ISY1: variants seen among roughly 807,000 people sequenced by gnomAD.
ISY1 encodes the protein pre-mRNA-splicing factor ISY1 homolog.
ISY1 carries 12 observed loss-of-function variants against 54.4 expected under a neutral mutation model. The ratio of observed to expected loss-of-function variants is 0.22; its 90% CI spans 0.14 to 0.36. The LOEUF is 0.36. Ranked by LOEUF, ISY1 falls within the 10% of genes least tolerant of loss-of-function variation. ISY1 has a pLI of 1.00. For missense variants in ISY1, 282 were observed against 342.2 expected (o/e 0.82, Z 1.39); for synonymous variants, 96 against 117.9 (o/e 0.81, Z 1.20).
At chr3:129,132,318 A>G (rs1311621167) in intron 9 of ISY1, among the ~76,000 whole-genome samples, 2 of 152,100 alleles carry the variant, frequency 1.3e-5, no homozygotes, top group East Asian at 3.9e-4. Context: ...ACTCTTTGCA[A>G]CTTCCTGTAT....
intron 2 of ISY1, 48 bp downstream of exon 2, chr3:129,159,106 G>A (rs758025568): frequency 1.3e-6 from 2 of 1,597,710 alleles, no homozygotes; most frequent in Admixed American, 1.8e-5. Flanking sequence ...TTACATGGTG[G>A]TTTTTAAGTT....
In ISY1 at chr3:129,150,239, C is replaced by T. The variant is rs922715625; in HGVS notation, c.188-4366G>A. On this transcript the variant is annotated intron_variant, in intron 5 of 10. Transcript: ENST00000393295. ...AGAATGTCAATGTAAACAAAAAATC[C>T]TGTTAGAATTTTGATTGTGATATAT... is the stretch of plus-strand genomic sequence containing the variant. Among the ~76,000 whole-genome samples, 26 of 152,168 alleles carry T rather than the reference C, an allele frequency of 1.7e-4. 3 individuals carry two copies. Among genetic ancestry groups the T allele is most frequent in the Admixed American group, 5.9e-4 (9 of 15,266 alleles).
rs1422224860 is a variant in ISY1, at chr3:129,129,916, A to C, written c.*165T>G. On this transcript the variant is annotated 3_prime_UTR_variant, in exon 11 of 11. Transcript: ENST00000393295. ...AATATGTGTACAAAACCTACCAGGAAGACCAGGGACAGACCCCTACCCTCC... is the reference window on the plus strand; with the variant it reads ...AATATGTGTACAAAACCTACCAGGACGACCAGGGACAGACCCCTACCCTCC... 3 of 509,946 alleles carry C rather than the reference A, an allele frequency of 5.9e-6. No homozygotes were observed. Among genetic ancestry groups the C allele is most frequent in the African/African-American group, 1.9e-5 (1 of 51,504 alleles). The allele number at this position is 509,946 out of a possible 1,614,324, so 31.6% of individuals were successfully genotyped here. A position where few individuals can be genotyped will look rare whatever the true frequency, so the allele number is the denominator to read the frequency against.
At position 129,134,066 on chromosome 3, in the gene ISY1, C is replaced by T; in HGVS notation, c.663+8G>A. The stretch of plus-strand genomic sequence containing the variant: ...GCAGTGAGTGCCAGAGGGGGCCAAC[C>T]CCAATACCTCCTCCTCGGTGACTGC... On this transcript the variant is annotated splice_region_variant and intron_variant, in intron 9 of 10. Coordinates refer to ENST00000393295, the MANE Select transcript of ISY1 (RefSeq NM_020701.4). The T allele has an allele frequency of 6.2e-7, 1 of 1,613,960 alleles. No homozygotes were observed. The highest frequency in any genetic ancestry group is 8.5e-7 in the Non-Finnish European group (1 of 1,179,976).
intron 1 of ISY1, among the ~76,000 whole-genome samples, chr3:129,160,060 C>T (rs1006765651): frequency 2.0e-5 from 3 of 151,724 alleles, no homozygotes; most frequent in Admixed American, 2.0e-4. Context: ...GAGTCTCGCT[C>T]TGTCGCCCAG....
intron 9 of ISY1, among the ~76,000 whole-genome samples, chr3:129,131,251 C>T (rs999679600): frequency 1.3e-5 from 2 of 152,218 alleles, no homozygotes; most frequent in African/African-American, 2.4e-5. Context: ...TTGTATCTAA[C>T]ACTAAACACA....
intron 1 of ISY1, 91 bp downstream of exon 1, chr3:129,160,882 A>C: frequency 6.8e-7 from 1 of 1,477,092 alleles, no homozygotes; most frequent in Non-Finnish European, 9.2e-7. Flanking sequence ...TGCACGTCTG[A>C]GCCTCTACCG....
intron 6 of ISY1, among the ~76,000 whole-genome samples, chr3:129,145,026 T>G (rs1394288653): frequency 6.6e-6 from 1 of 152,062 alleles, no homozygotes; most frequent in Non-Finnish European, 1.5e-5. Context: ...TCCTCCCACC[T>G]CATCCTTCTG....
At chr3:129,154,038 C>T (rs1190570301) in intron 5 of ISY1, among the ~76,000 whole-genome samples, 6 of 151,744 alleles carry the variant, frequency 4.0e-5, no homozygotes, top group African/African-American at 1.2e-4. Flanking sequence ...GTCAGGAGAT[C>T]GAGACCATCC....
intron 1 of ISY1, 36 bp from the exon 2 acceptor site, chr3:129,159,212 T>C: frequency 6.3e-7 from 1 of 1,588,576 alleles, no homozygotes; most frequent in Non-Finnish European, 8.5e-7. Flanking sequence ...AATGTCCATG[T>C]TTAAAATATA....
In ISY1 at chr3:129,130,048, T is replaced by C; in HGVS notation, c.*33A>G. On this transcript the variant is annotated 3_prime_UTR_variant, in exon 11 of 11. Coordinates refer to ENST00000393295, the MANE Select transcript of ISY1 (RefSeq NM_020701.4). Reference sequence around the variant, plus strand: ...TGGGTCCTGAGGTACCACTGGGGGATGGAAGAACTCCAAGGAGAGCCCCAG... The same window carrying C: ...TGGGTCCTGAGGTACCACTGGGGGACGGAAGAACTCCAAGGAGAGCCCCAG... 3 of 1,518,142 alleles carry C rather than the reference T, an allele frequency of 2.0e-6. No individual in the cohort carries two copies. The highest frequency in any genetic ancestry group is 2.6e-5 in the South Asian group (2 of 77,016). The allele number at this position is 1,518,142 out of a possible 1,614,324, so 94.0% of individuals were successfully genotyped here.
chr3:129,129,728 A>T lies in ISY1; in HGVS notation c.*353T>A, dbSNP rs1936185290. The stretch of plus-strand genomic sequence containing the variant: ...TTTTAGAAAATTTGCATTTTTTAAA[A>T]TTATACTTTGGTCTGCAAAAAATTG... On this transcript the variant is annotated 3_prime_UTR_variant, in exon 11 of 11. Coordinates refer to ENST00000393295, the MANE Select transcript of ISY1 (RefSeq NM_020701.4). 1 of 177,260 alleles carries T rather than the reference A, an allele frequency of 5.6e-6. No individual in the cohort carries two copies. Among genetic ancestry groups the T allele is most frequent in the African/African-American group, 2.4e-5 (1 of 42,466 alleles). The allele number at this position is 177,260 out of a possible 1,614,324, so 11.0% of individuals were successfully genotyped here.
chr3:129,131,394 T>C (rs1437273242), intron 9 of ISY1, among the ~76,000 whole-genome samples: 2 of 151,996 alleles, frequency 1.3e-5, no homozygotes, highest in African/African-American at 2.4e-5. Flanking sequence ...CCACAAACAT[T>C]AGACACAAAA....
chr3:129,146,000 C>T (rs1414032181), intron 5 of ISY1, 127 bp from the exon 6 acceptor site: 13 of 839,114 alleles, frequency 1.5e-5, no homozygotes, highest in Non-Finnish European at 2.3e-5. Context: ...CATAAAAACA[C>T]TCATCTAAAT....
intron 10 of ISY1, 127 bp downstream of exon 10, chr3:129,130,423 G>T: frequency 8.1e-7 from 1 of 1,238,716 alleles, no homozygotes; most frequent in Non-Finnish European, 1.1e-6. Context: ...AATGACAGGT[G>T]TCATGTGGTC....
In ISY1 at chr3:129,134,191, T is replaced by A; in HGVS notation, c.546A>T (p.Arg182Ser). Reference protein sequence around the residue: ...PLEQEYEKKLRAELVEKWKAE... With the variant: ...PLEQEYEKKLSAELVEKWKAE... ...CTTTCCACTTTTCCACTAACTCGGC[T>A]CTGACTGAACACAAGAGAGGGTAGG... The change falls in exon 9 of 11, where the codon AGA becomes AGT. Residue 182 changes from arginine (R) to serine (S), a missense_variant. Transcript: ENST00000393295. 6.2e-7 allele frequency: 1 copy of A among 1,614,178 alleles called. No homozygotes were observed. The highest frequency in any genetic ancestry group is 8.5e-7 in the Non-Finnish European group (1 of 1,180,036).
chr3:129,153,942 T>TA (rs1003379994), intron 5 of ISY1, among the ~76,000 whole-genome samples: 1 of 151,422 alleles, frequency 6.6e-6, no homozygotes, highest in Admixed American at 6.6e-5. Flanking sequence ...CTGTCTCTAC[T>TA]AAAAAATTAC....
chr3:129,133,131 T>C (rs1290298171), intron 9 of ISY1, among the ~76,000 whole-genome samples: 1 of 152,220 alleles, frequency 6.6e-6, no homozygotes, highest in Non-Finnish European at 1.5e-5. Context: ...ATTTTCCTTG[T>C]TTCAGAATAC....
intron 7 of ISY1, among the ~76,000 whole-genome samples, chr3:129,137,526 C>A (rs1389731863): frequency 6.6e-6 from 1 of 152,160 alleles, no homozygotes; most frequent in African/African-American, 2.4e-5. Context: ...CACCCCAACA[C>A]AACCCTTTAG....
Sources: allele counts gnomAD v4.1 joint callset (sites outside exome capture counted in the v4.1 genomes callset), GRCh38; gene constraint gnomAD v4.1.1; transcripts MANE v1.5; gene names NCBI Gene and HGNC (gene_info 2026-07-23, HGNC 2026-07-21).